Variants in IPO11 observed in about 807,000 individuals in gnomAD.
The protein encoded by IPO11 is importin-11.
In IPO11, 66 loss-of-function variants were observed where a neutral mutation model predicts 143.2. The ratio of observed to expected loss-of-function variants is 0.46; its 90% CI spans 0.38 to 0.57. IPO11 has a LOEUF of 0.57. Ranked by LOEUF, IPO11 falls within the 20% of genes least tolerant of loss-of-function variation. The probability of loss-of-function intolerance (pLI) is 0.00; values close to 1 mark genes in which losing one functional copy is unlikely to be tolerated. For synonymous variants in IPO11, 385 were observed against 377.8 expected, an observed-to-expected ratio of 1.02 and a Z score of -0.22; for missense variants, 1,026 against 1,141.0, an observed-to-expected ratio of 0.90 and a Z score of 1.45.
At chr5:62,514,996 T>C (rs896156774) in intron 19 of IPO11, among the ~76,000 whole-genome samples, 1 of 152,216 alleles carries the variant, frequency 6.6e-6, no homozygotes, top group Non-Finnish European at 1.5e-5. Context: ...GGCCTGAAAC[T>C]TGGAAGATAT....
intron 29 of IPO11, among the ~76,000 whole-genome samples, chr5:62,614,263 T>C (rs1209502865): frequency 6.6e-6 from 1 of 152,244 alleles, no homozygotes; most frequent in Non-Finnish European, 1.5e-5. Context: ...AGAAACCTGA[T>C]GAGTTTCTTA....
At chr5:62,468,359 T>C (rs551202057) in intron 6 of IPO11, among the ~76,000 whole-genome samples, 1 of 152,370 alleles carries the variant, frequency 6.6e-6, no homozygotes, top group South Asian at 2.1e-4. Flanking sequence ...ATCGCCTTAA[T>C]ACATCACTTA....
intron 27 of IPO11, chr5:62,581,604 T>C (rs563747179): frequency 4.0e-6 from 1 of 249,626 alleles, no homozygotes; most frequent in African/African-American, 2.2e-5. Context: ...ATTTATACTT[T>C]ACAGGTGAGG....
At chr5:62,621,813 A>T (rs1244264481) in intron 29 of IPO11, among the ~76,000 whole-genome samples, 4 of 152,226 alleles carry the variant, frequency 2.6e-5, no homozygotes, top group Non-Finnish European at 5.9e-5. Context: ...TTTGGAATTC[A>T]GGAAACAAAA....
chr5:62,576,129 A>G (rs556000940), intron 27 of IPO11: 2 of 155,296 alleles, frequency 1.3e-5, no homozygotes, highest in East Asian at 3.9e-4. Flanking sequence ...TTGTGTGCGT[A>G]AGCACATTTA....
At chr5:62,503,214 G>T (rs563595961) in intron 16 of IPO11, among the ~76,000 whole-genome samples, 14 of 151,980 alleles carry the variant, frequency 9.2e-5, no homozygotes, top group African/African-American at 3.4e-4. Flanking sequence ...AGTACTAAAT[G>T]CTGGGAACTT....
chr5:62,594,846 G>A (rs1241544395), intron 28 of IPO11, among the ~76,000 whole-genome samples: 1 of 152,184 alleles, frequency 6.6e-6, no homozygotes, highest in Non-Finnish European at 1.5e-5. Context: ...AAGGAGTCCA[G>A]GGAAACTGAG....
At chr5:62,485,575 C>T (rs1746368478) in intron 12 of IPO11, 113 bp downstream of exon 12, 2 of 872,606 alleles carry the variant, frequency 2.3e-6, no homozygotes, top group Non-Finnish European at 3.6e-6. Context: ...CATGGTGGCT[C>T]ACACTTTAAT....
At chr5:62,622,881 TCC>T (rs1456095781) in intron 29 of IPO11, among the ~76,000 whole-genome samples, 2 of 152,210 alleles carry the variant, frequency 1.3e-5, no homozygotes, top group Non-Finnish European at 2.9e-5. Flanking sequence ...GTAAAATAGT[TCC>T]TTTACTTACA....
chr5:62,521,832 G>A (rs1294371812), intron 20 of IPO11, among the ~76,000 whole-genome samples: 1 of 151,266 alleles, frequency 6.6e-6, no homozygotes, highest in East Asian at 1.9e-4. Context: ...CTGGTGACAT[G>A]TTTTAATGCC....
At chr5:62,494,997 A>G (rs1401756170) in intron 16 of IPO11, among the ~76,000 whole-genome samples, 1 of 152,068 alleles carries the variant, frequency 6.6e-6, no homozygotes, top group African/African-American at 2.4e-5. Flanking sequence ...CCTTTTTTAC[A>G]TATGCTGACA....
intron 28 of IPO11, among the ~76,000 whole-genome samples, chr5:62,599,285 A>G (rs964800628): frequency 6.6e-6 from 1 of 152,246 alleles, no homozygotes; most frequent in African/African-American, 2.4e-5. Context: ...GATGGGCTCC[A>G]GGTAGAGTGG....
At chr5:62,471,454 C>CT (rs1437425549) in intron 7 of IPO11, among the ~76,000 whole-genome samples, 2 of 151,552 alleles carry the variant, frequency 1.3e-5, no homozygotes, top group Non-Finnish European at 2.9e-5. Flanking sequence ...AATTGACATG[C>CT]TTTTTTTTAA....
chr5:62,619,589 C>T (rs927610131), intron 29 of IPO11, among the ~76,000 whole-genome samples: 3 of 151,928 alleles, frequency 2.0e-5, no homozygotes, highest in African/African-American at 4.8e-5. Context: ...CGTGGTGGCT[C>T]ACGCTTGTAA....
intron 1 of IPO11, among the ~76,000 whole-genome samples, chr5:62,435,859 T>A (rs1184396379): frequency 6.6e-6 from 1 of 151,630 alleles, no homozygotes; most frequent in East Asian, 1.9e-4. Context: ...TGAAACCCCG[T>A]CTCTACTAAA....
chr5:62,621,199 G>A (rs144200370), intron 29 of IPO11, among the ~76,000 whole-genome samples: 196 of 152,284 alleles, frequency 1.3e-3, no homozygotes, highest in African/African-American at 4.7e-3. Context: ...TTTAAGTATT[G>A]GCAAAGAAGA....
At chr5:62,538,210 C>G (rs1561353863) in intron 24 of IPO11, among the ~76,000 whole-genome samples, 1 of 152,048 alleles carries the variant, frequency 6.6e-6, no homozygotes, top group Admixed American at 6.5e-5. Context: ...AGAGGTTACC[C>G]AAAGAGGTTT....
intron 29 of IPO11, among the ~76,000 whole-genome samples, chr5:62,612,043 CT>C (rs200722603): frequency 0.012 from 1,891 of 152,128 alleles, 31 homozygotes; most frequent in African/African-American, 0.043. Flanking sequence ...TAACATTCCC[CT>C]AGGTAACCTT....
In IPO11 at chr5:62,515,469, G is replaced by A; in HGVS notation, c.1864G>A (p.Ala622Thr). 1 of 1,607,372 alleles carries A rather than the reference G, an allele frequency of 6.2e-7. No individual in the cohort carries two copies. Residue 622 changes from alanine (A) to threonine (T), a missense_variant, in exon 20 of 30, where the codon GCT (alanine) becomes ACT (threonine). Physicochemically the swap from Ala to Thr is moderately conservative, Grantham distance 58. Around this residue, in one of 5 missense-constraint regions of IPO11, gnomAD observed 237 missense variants for 288.0 expected, o/e 0.82. Transcript: ENST00000325324. Reference protein sequence around the residue: ...QSEEHNMLRCAILTTLIHLVQ... With the variant: ...QSEEHNMLRCTILTTLIHLVQ... ...TGAAGAACACAATATGTTGAGATGTGCTATTTTGACAACACTTATTCATCT... is the reference window on the plus strand; with the variant it reads ...TGAAGAACACAATATGTTGAGATGTACTATTTTGACAACACTTATTCATCT...
Sources: gnomAD v4.1 joint callset for allele counts (sites outside exome capture counted in the v4.1 genomes callset) on GRCh38, gnomAD v4.1.1 for gene constraint, gnomAD v4.1.1 regional missense constraint, MANE v1.5 for transcripts, NCBI Gene and HGNC (gene_info 2026-07-23, HGNC 2026-07-21) for gene names.